PCDHA1: variants seen among roughly 807,000 people sequenced by gnomAD.
PCDHA1 encodes the protein protocadherin alpha-1.
Under a neutral mutation model 61.3 loss-of-function variants are expected in PCDHA1, and 42 were observed. The observed-to-expected ratio is 0.69, with a 90% CI of 0.54 to 0.89. The LOEUF (loss-of-function observed/expected upper bound fraction) is 0.89. PCDHA1 is among the 40% of genes least tolerant of loss of function. PCDHA1 has a pLI of 0.00. For missense variants in PCDHA1, 1,256 were observed against 1,235.3 expected, an observed-to-expected ratio of 1.02 and a Z score of -0.25; for synonymous variants, 610 against 553.8, an observed-to-expected ratio of 1.10 and a Z score of -1.43.
At chr5:141,005,967 A>ACAATTC (rs1554260442) in intron 3 of PCDHA1, among the ~76,000 whole-genome samples, 1 of 152,062 alleles carries the variant, frequency 6.6e-6, no homozygotes, top group Non-Finnish European at 1.5e-5. Flanking sequence ...CAATAAAAAA[A>ACAATTC]CAATTCCAAA....
chr5:140,990,621 G>A (rs75224471), intron 3 of PCDHA1, among the ~76,000 whole-genome samples: 1,861 of 152,288 alleles, frequency 0.012, 44 homozygotes, highest in African/African-American at 0.043. Context: ...GTAAAGGTCT[G>A]TGGTAAGACT....
At chr5:140,943,516 A>T (rs1202948180) in intron 1 of PCDHA1, among the ~76,000 whole-genome samples, 1 of 152,176 alleles carries the variant, frequency 6.6e-6, no homozygotes, top group Admixed American at 6.5e-5. Context: ...GGAAATGTTG[A>T]GTTCAGTATG....
At chr5:140,861,267 A>G (rs1251447795) in intron 1 of PCDHA1, 4 of 174,546 alleles carry the variant, frequency 2.3e-5, no homozygotes, top group African/African-American at 9.5e-5. Context: ...CGGAGCCTAC[A>G]GCACTGGCTT....
At chr5:140,877,189 G>A in intron 1 of PCDHA1, 1 of 1,613,808 alleles carries the variant, frequency 6.2e-7, no homozygotes, top group Non-Finnish European at 8.5e-7. Flanking sequence ...GGCTGGCAGC[G>A]CAGGAGGCGC....
chr5:140,906,957 G>T (rs1301709159), intron 1 of PCDHA1, among the ~76,000 whole-genome samples: 2 of 152,144 alleles, frequency 1.3e-5, no homozygotes, highest in Admixed American at 6.5e-5. Flanking sequence ...CCAGTTTAAT[G>T]GAATCGTGGT....
chr5:140,787,354 T>C lies in PCDHA1; in HGVS notation c.1064T>C (p.Leu355Ser). 1 of 1,614,210 alleles carries C rather than the reference T, an allele frequency of 6.2e-7. No homozygotes were observed. Among genetic ancestry groups the C allele is most frequent in the South Asian group, 1.1e-5 (1 of 91,080 alleles). The change falls in exon 1 of 4, where the codon TTG (leucine) becomes TCG (serine). Residue 355 changes from leucine to serine, a missense_variant. Transcript: ENST00000504120. ...DNAPELAVTS[L>S]YLPIREDAPL... Reference sequence around the variant, plus strand: ...GCTCCAGAACTGGCGGTCACTTCATTGTATTTGCCTATCAGAGAGGACGCT... The same window carrying C: ...GCTCCAGAACTGGCGGTCACTTCATCGTATTTGCCTATCAGAGAGGACGCT...
chr5:140,803,564 G>A (rs1239467423), intron 1 of PCDHA1: 2 of 1,614,082 alleles, frequency 1.2e-6, no homozygotes, highest in African/African-American at 1.3e-5. Context: ...AGGAGAAACA[G>A]GATGTGGACG....
chr5:140,844,744 G>C (rs1779527366), intron 1 of PCDHA1, among the ~76,000 whole-genome samples: 1 of 149,016 alleles, frequency 6.7e-6, no homozygotes, highest in Non-Finnish European at 1.5e-5. Flanking sequence ...TAGTATTATG[G>C]GATAAATCTT....
rs576414745 is a variant in PCDHA1, at chr5:140,895,584, G to T, written c.2395-83365G>T. Among the ~76,000 whole-genome samples the T allele has an allele frequency of 9.2e-5, 14 of 152,210 alleles. No individual in the cohort carries two copies. In the South Asian group the frequency reaches 2.7e-3, roughly 29 times the overall value. The stretch of plus-strand genomic sequence containing the variant: ...TATTCTAGATGCAATTACTTTATTA[G>T]ATATATAATTTGCAAAGATTTTCTC... On this transcript the variant is annotated intron_variant, in intron 1 of 3. Coordinates refer to ENST00000504120, the MANE Select transcript of PCDHA1 (RefSeq NM_018900.4).
chr5:140,786,770 A>G lies in PCDHA1; in HGVS notation c.480A>G (p.Ala160=), dbSNP rs1761331053. Residue 160 remains alanine (A), a synonymous_variant, in exon 1 of 4, where the codon GCA becomes GCG. Transcript: ENST00000504120. ...SRFPIEGAAD[A]DIGANALLTY... is the part of the protein sequence containing the mutation. ...TTCCGATAGAAGGAGCTGCTGATGC[A>G]GACATTGGTGCTAACGCTCTTCTAA... The G allele has an allele frequency of 1.2e-6, 2 of 1,614,236 alleles. No homozygotes were observed. The highest frequency in any genetic ancestry group is 1.7e-6 in the Non-Finnish European group (2 of 1,180,046).
intron 1 of PCDHA1, among the ~76,000 whole-genome samples, chr5:140,892,143 C>T (rs983937899): frequency 3.3e-5 from 5 of 152,262 alleles, no homozygotes; most frequent in African/African-American, 9.6e-5. Flanking sequence ...ATGGTTTTAG[C>T]GTCTATTTCT....
rs2150235080 is a variant in PCDHA1, at chr5:140,835,409, T to C, written c.2394+46725T>C. The C allele has an allele frequency of 2.5e-6, 4 of 1,613,874 alleles. No individual in the cohort carries two copies. In the East Asian group the frequency reaches 8.9e-5, roughly 36 times the overall value. On this transcript the variant is annotated intron_variant, in intron 1 of 3. Coordinates refer to ENST00000504120, the MANE Select transcript of PCDHA1 (RefSeq NM_018900.4). ...GTACAGTTCTTGTGGAAGTTGTGGA[T>C]GTAAATGACAATGCTCCACAGTTGA...
intron 3 of PCDHA1, among the ~76,000 whole-genome samples, chr5:140,987,520 G>T (rs1221115195): frequency 2.0e-5 from 3 of 152,106 alleles, no homozygotes; most frequent in Non-Finnish European, 4.4e-5. Context: ...CTCAGTAATT[G>T]TATGTTCCTG....
At chr5:140,986,081 A>AT (rs2097186605) in intron 3 of PCDHA1, among the ~76,000 whole-genome samples, 1 of 152,010 alleles carries the variant, frequency 6.6e-6, no homozygotes, top group South Asian at 2.1e-4. Context: ...CTGTTCATTT[A>AT]TTTTCACAGT....
In PCDHA1 at chr5:140,849,637, C is replaced by T. The variant is rs1581190048; in HGVS notation, c.2394+60953C>T. 3.8e-6 allele frequency: 6 copies of T among 1,598,688 alleles called. 1 individual carries two copies. Among genetic ancestry groups the T allele is most frequent in the Non-Finnish European group, 5.1e-6 (6 of 1,167,950 alleles). On this transcript the variant is annotated intron_variant, in intron 1 of 3. Transcript: ENST00000504120. ...AGTGTGATCGACCTAGACGCAGATG[C>T]CAACGGGCAGGTTACCTGCTCCCTG...
chr5:140,836,008 T>C (rs2150250526), intron 1 of PCDHA1: 4 of 1,613,236 alleles, frequency 2.5e-6, no homozygotes, highest in Non-Finnish European at 3.4e-6. Flanking sequence ...GATGCGGGCG[T>C]GCCGCCTCTG....
chr5:140,910,257 A>G (rs1428252762), intron 1 of PCDHA1, among the ~76,000 whole-genome samples: 1 of 152,202 alleles, frequency 6.6e-6, no homozygotes, highest in East Asian at 1.9e-4. Flanking sequence ...TAGGCTTCCT[A>G]TCATTTTCAC....
chr5:140,823,799 C>T (rs1463796705), intron 1 of PCDHA1: 2 of 1,613,668 alleles, frequency 1.2e-6, no homozygotes, highest in Non-Finnish European at 8.5e-7. Flanking sequence ...GGCCAGGCGC[C>T]GAAGGCCTCA....
chr5:140,807,595 A>T (rs1205314334), intron 1 of PCDHA1: 2 of 1,614,194 alleles, frequency 1.2e-6, no homozygotes. Flanking sequence ...TCCCAGCAAC[A>T]CAAAAGAACC....
Sources: gnomAD v4.1 joint callset for allele counts (sites outside exome capture counted in the v4.1 genomes callset) on GRCh38, gnomAD v4.1.1 for gene constraint, MANE v1.5 for transcripts, NCBI Gene and HGNC (gene_info 2026-07-23, HGNC 2026-07-21) for gene names.